Variants in CAMK4 observed in about 807,000 individuals in gnomAD.
The protein encoded by CAMK4 is calcium/calmodulin dependent protein kinase IV.
A neutral mutation model predicts 44.9 loss-of-function variants in CAMK4; 22 were observed. That is an observed-to-expected ratio of 0.49 (90% CI 0.35 to 0.70). CAMK4 has a LOEUF of 0.70. Ranked by LOEUF, CAMK4 falls within the 30% of genes least tolerant of loss-of-function variation. The probability of loss-of-function intolerance (pLI) is 0.01; values close to 1 mark genes in which losing one functional copy is unlikely to be tolerated. For missense variants in CAMK4, 498 were observed against 586.8 expected, an observed-to-expected ratio of 0.85 and a Z score of 1.56; for synonymous variants, 218 against 215.4, an observed-to-expected ratio of 1.01 and a Z score of -0.11.
chr5:111,308,494 A>G (rs1748040879), intron 1 of CAMK4, among the ~76,000 whole-genome samples: 1 of 152,182 alleles, frequency 6.6e-6, no homozygotes, highest in Non-Finnish European at 1.5e-5. Context: ...ATTACTTTTC[A>G]TTCAAAGATA....
At chr5:111,335,304 A>T (rs1432004022) in intron 1 of CAMK4, among the ~76,000 whole-genome samples, 1 of 151,402 alleles carries the variant, frequency 6.6e-6, no homozygotes, top group Non-Finnish European at 1.5e-5. Context: ...GTGCAATCTC[A>T]TCTTCATTCC....
At chr5:111,425,089 G>A (rs957538409) in intron 5 of CAMK4, among the ~76,000 whole-genome samples, 25 of 150,908 alleles carry the variant, frequency 1.7e-4, no homozygotes, top group African/African-American at 6.1e-4. Flanking sequence ...CTTGAATTCA[G>A]GAGGTGGAGG....
chr5:111,230,955 A>G (rs1748445259), intron 1 of CAMK4, among the ~76,000 whole-genome samples: 1 of 152,142 alleles, frequency 6.6e-6, no homozygotes, highest in Admixed American at 6.5e-5. Context: ...GAACCATGTA[A>G]TTCAGGACAA....
intron 2 of CAMK4, among the ~76,000 whole-genome samples, chr5:111,363,893 C>T (rs1750691917): frequency 6.6e-6 from 1 of 152,070 alleles, no homozygotes; most frequent in South Asian, 2.1e-4. Context: ...GTAACATGAT[C>T]TGATTTACAT....
chr5:111,267,779 G>GTTACA (rs1750325537), intron 1 of CAMK4, among the ~76,000 whole-genome samples: 1 of 150,528 alleles, frequency 6.6e-6, no homozygotes, highest in African/African-American at 2.4e-5. Context: ...AATATCCCAC[G>GTTACA]TTACAAACAC....
chr5:111,273,171 CATTA>C (rs1750588246), intron 1 of CAMK4, among the ~76,000 whole-genome samples: 1 of 152,102 alleles, frequency 6.6e-6, no homozygotes, highest in Non-Finnish European at 1.5e-5. Context: ...TATGATTTCT[CATTA>C]ATTACTTTCT....
chr5:111,348,802 A>C (rs1391092618), intron 2 of CAMK4, among the ~76,000 whole-genome samples: 4 of 152,034 alleles, frequency 2.6e-5, no homozygotes, highest in African/African-American at 9.7e-5. Context: ...ACATAATTCA[A>C]CATTGAGACC....
chr5:111,238,412 T>G (rs536774523), intron 1 of CAMK4, among the ~76,000 whole-genome samples: 1 of 152,296 alleles, frequency 6.6e-6, no homozygotes, highest in East Asian at 1.9e-4. Context: ...GAGAGCTTGC[T>G]CGCTCGCTGT....
intron 2 of CAMK4, among the ~76,000 whole-genome samples, chr5:111,344,699 G>A (rs889602395): frequency 5.3e-5 from 8 of 151,592 alleles, no homozygotes; most frequent in Non-Finnish European, 1.2e-4. Context: ...TTTTGTTTTG[G>A]GGGTTGCTTC....
chr5:111,425,855 A>G (rs1753207329), intron 5 of CAMK4, among the ~76,000 whole-genome samples: 1 of 152,188 alleles, frequency 6.6e-6, no homozygotes, highest in Admixed American at 6.5e-5. Context: ...CAGGAATTTT[A>G]TTAATAGCTT....
At chr5:111,241,309 A>G (rs941405943) in intron 1 of CAMK4, among the ~76,000 whole-genome samples, 9 of 152,134 alleles carry the variant, frequency 5.9e-5, no homozygotes, top group African/African-American at 2.2e-4. Context: ...AGTCTTGAGC[A>G]ATACTGGACA....
chr5:111,408,679 G>A (rs1327983673), intron 5 of CAMK4, among the ~76,000 whole-genome samples: 1 of 152,156 alleles, frequency 6.6e-6, no homozygotes, highest in Non-Finnish European at 1.5e-5. Context: ...ACAGTCCAAA[G>A]TCTCAGCTGA....
chr5:111,488,667 C>A lies in CAMK4; in HGVS notation c.*4201C>A, dbSNP rs927619680. On this transcript the variant is annotated 3_prime_UTR_variant, in exon 11 of 11. Coordinates refer to ENST00000282356, the MANE Select transcript of CAMK4 (RefSeq NM_001744.6). ...CAAGTTGGAAAAAGAAAAGTAAATG[C>A]CAGAAAAGGCAAAGGATAAACTTAG... is the stretch of plus-strand genomic sequence containing the variant. 1 of 151,904 alleles carries A rather than the reference C, an allele frequency of 6.6e-6. No homozygotes were observed. The highest frequency in any genetic ancestry group is 6.6e-5 in the Admixed American group (1 of 15,254). 9.4% of individuals were successfully genotyped at this position (151,904 alleles called of 1,614,324 possible). A position where few individuals can be genotyped will look rare whatever the true frequency, so the allele number is the denominator to read the frequency against.
chr5:111,429,711 T>G (rs1387952168), intron 5 of CAMK4, among the ~76,000 whole-genome samples: 3 of 136,404 alleles, frequency 2.2e-5, no homozygotes, highest in Non-Finnish European at 4.5e-5. Flanking sequence ...AGGAGGCTGA[T>G]TCATTGAGTC....
intron 5 of CAMK4, among the ~76,000 whole-genome samples, chr5:111,421,989 A>G (rs779375404): frequency 1.3e-5 from 2 of 152,152 alleles, no homozygotes; most frequent in Admixed American, 6.5e-5. Flanking sequence ...GCCTTCCTCC[A>G]TGATTGTGAG....
chr5:111,267,415 C>T (rs1246048277), intron 1 of CAMK4, among the ~76,000 whole-genome samples: 1 of 152,116 alleles, frequency 6.6e-6, no homozygotes, highest in Non-Finnish European at 1.5e-5. Context: ...TTTCCTTCTA[C>T]ATTAAGAATT....
At chr5:111,411,734 A>T (rs868561482) in intron 5 of CAMK4, among the ~76,000 whole-genome samples, 2 of 152,212 alleles carry the variant, frequency 1.3e-5, no homozygotes, top group Admixed American at 6.5e-5. Context: ...TCTGTTTTCT[A>T]TTGGCAAACA....
intron 4 of CAMK4, among the ~76,000 whole-genome samples, chr5:111,377,726 A>AGTC (rs1751268388): frequency 6.6e-6 from 1 of 152,100 alleles, no homozygotes. Flanking sequence ...GAAGACAAAG[A>AGTC]GACTAAGTAG....
chr5:111,432,279 C>T (rs1360272293), intron 5 of CAMK4, among the ~76,000 whole-genome samples: 1 of 151,992 alleles, frequency 6.6e-6, no homozygotes, highest in African/African-American at 2.4e-5. Flanking sequence ...CATGTTTTCA[C>T]TTATTTGTAA....
Sources: allele counts gnomAD v4.1 joint callset (sites outside exome capture counted in the v4.1 genomes callset), GRCh38; gene constraint gnomAD v4.1.1; transcripts MANE v1.5; gene names NCBI Gene and HGNC (gene_info 2026-07-23, HGNC 2026-07-21).